ANO5: variants seen among roughly 807,000 people sequenced by gnomAD.
The protein encoded by ANO5 is anoctamin-5.
In ANO5, 109 loss-of-function variants were observed where a neutral mutation model predicts 121.0. That is an observed-to-expected ratio of 0.90 (90% CI 0.77 to 1.06). The LOEUF is 1.06. Among genes scored for constraint, ANO5 ranks in the 50% least tolerant of loss-of-function variants. The pLI is 0.00. For synonymous variants in ANO5, 406 were observed against 359.9 expected (o/e 1.13, Z -1.45); for missense variants, 1,064 against 1,078.5 (o/e 0.99, Z 0.19).
At position 22,259,627 on chromosome 11, in the gene ANO5, A is replaced by G. The variant is rs141799673; in HGVS notation, c.1516A>G (p.Ser506Gly). 181 of 1,613,972 alleles carry G rather than the reference A, an allele frequency of 1.1e-4. No individual in the cohort carries two copies. The highest frequency in any genetic ancestry group is 1.6e-4 in the Middle Eastern group (1 of 6,084). ...ESDASLKQVKSFLTPQITTSL... is the reference protein window; with the variant it reads ...ESDASLKQVKGFLTPQITTSL... ...TGATGCATCCTTAAAGCAGGTCAAA[A>G]GCTTCCTTACTCCTCAGATAACCAC... Residue 506 changes from serine to glycine, a missense_variant, in exon 15 of 22, where the codon AGC becomes GGC. Physicochemically the swap from Ser to Gly is moderately conservative, Grantham distance 56. Coordinates refer to ENST00000324559, the MANE Select transcript of ANO5 (RefSeq NM_213599.3).
At chr11:22,252,328 G>T (rs1416959470) in intron 12 of ANO5, among the ~76,000 whole-genome samples, 1 of 152,086 alleles carries the variant, frequency 6.6e-6, no homozygotes, top group African/African-American at 2.4e-5. Context: ...ATGAATGATA[G>T]GTGCATGATT....
Position 22,217,581 on chromosome 11 carries a change from TTTA to T in ANO5, c.139-653_139-651del, listed in dbSNP as rs933742293. 5.7e-3 allele frequency among the ~76,000 whole-genome samples: 862 copies of T among 152,120 alleles called. 5 individuals carry two copies. The highest frequency in any genetic ancestry group is 0.02 in the African/African-American group (818 of 41,544). ...TATTTTTATTATTTTCATGTTTTCC[TTTA>T]TTATTATTATTTTTCTCTTCTCTTC... On this transcript the variant is annotated intron_variant, in intron 3 of 21. Transcript: ENST00000324559.
chr11:22,267,127 A>C (rs1430670495), intron 17 of ANO5, among the ~76,000 whole-genome samples: 1 of 152,172 alleles, frequency 6.6e-6, no homozygotes, highest in Non-Finnish European at 1.5e-5. Context: ...GCAAAAAGTA[A>C]GGTCCTAGGC....
intron 4 of ANO5, among the ~76,000 whole-genome samples, chr11:22,219,255 C>G (rs1590233788): frequency 2.0e-5 from 3 of 152,108 alleles, no homozygotes; most frequent in Non-Finnish European, 1.5e-5. Flanking sequence ...CTTTGGCTTT[C>G]AGAAGGACAG....
In ANO5 at chr11:22,269,184, AAAAGG is replaced by A. The variant is rs200233999; in HGVS notation, c.1899-1127_1899-1123del. On this transcript the variant is annotated intron_variant, in intron 17 of 21. Transcript: ENST00000324559. The stretch of plus-strand genomic sequence containing the variant: ...GAAGGGATGGGAAGGGAAGAGAAGG[AAAAGG>A]GAAGGGAAGGGAAGAGAAGGGAAGA... Among the ~76,000 whole-genome samples the A allele has an allele frequency of 5.5e-3, 793 of 144,286 alleles. 26 individuals carry two copies. The highest frequency in any genetic ancestry group is 0.02 in the African/African-American group (745 of 36,908). The allele number at this position is 144,286 out of a possible 152,430, so 94.7% of individuals were successfully genotyped here. A position where few individuals can be genotyped will look rare whatever the true frequency, so the allele number is the denominator to read the frequency against.
At chr11:22,259,821 AG>A in intron 15 of ANO5, 80 bp downstream of exon 15, 1 of 1,370,692 alleles carries the variant, frequency 7.3e-7, no homozygotes, top group Non-Finnish European at 1.0e-6. Context: ...TCAGGTCTCC[AG>A]GAGTTCATTT....
intron 3 of ANO5, among the ~76,000 whole-genome samples, chr11:22,216,110 A>C (rs144979303): frequency 3.5e-3 from 530 of 152,020 alleles, no homozygotes; most frequent in Non-Finnish European, 6.0e-3. Flanking sequence ...GATAGTTTTC[A>C]GTTTCAAGAC....
In ANO5 at chr11:22,197,582, G is replaced by A. The variant is rs144145479; in HGVS notation, c.40+4050G>A. ...AGCATTGTGTCCAACTAAGCCATCC[G>A]TCTTTAGTAATGTTAATATTTGATT... On this transcript the variant is annotated intron_variant, in intron 1 of 21. Coordinates refer to ENST00000324559, the MANE Select transcript of ANO5 (RefSeq NM_213599.3). Among the ~76,000 whole-genome samples, 718 of 152,220 alleles carry A rather than the reference G, an allele frequency of 4.7e-3. 8 individuals carry two copies. Among genetic ancestry groups the A allele is most frequent in the African/African-American group, 0.017 (688 of 41,530 alleles).
rs1333694190 is a variant in ANO5 at position 22,275,967 on chromosome 11, C to A, written c.2415-127C>A. The A allele has an allele frequency of 1.7e-5, 12 of 687,338 alleles. No individual in the cohort carries two copies. In the African/African-American group the frequency reaches 2.2e-4, roughly 12 times the overall value. 42.6% of individuals were successfully genotyped at this position (687,338 alleles called of 1,614,324 possible). ...ATAAATGTTTCATAATATCAGTTAA[C>A]TTTGACCTGATTTTTCTGATCAACT... On this transcript the variant is annotated intron_variant, in intron 20 of 21. Transcript: ENST00000324559.
chr11:22,213,110 A>G (rs1462959603), intron 3 of ANO5, among the ~76,000 whole-genome samples: 1 of 151,552 alleles, frequency 6.6e-6, no homozygotes, highest in Middle Eastern at 3.2e-3. Flanking sequence ...TAAAATCTAA[A>G]CAGAGTTTCT....
At chr11:22,235,324 TA>T (rs929796332) in intron 7 of ANO5, among the ~76,000 whole-genome samples, 4 of 152,108 alleles carry the variant, frequency 2.6e-5, no homozygotes, top group Middle Eastern at 3.2e-3. Flanking sequence ...AGGTCATATT[TA>T]TGACATCATT....
Position 22,262,948 on chromosome 11 carries a change from T to A in ANO5, c.1803T>A (p.Cys601Ter), listed in dbSNP as rs771155107. 1 of 1,611,510 alleles carries A rather than the reference T, an allele frequency of 6.2e-7. No homozygotes were observed. Among genetic ancestry groups the A allele is most frequent in the Non-Finnish European group, 8.5e-7 (1 of 1,177,798 alleles). The stretch of plus-strand genomic sequence containing the variant: ...TCTCCCCTCTTGCTTCTGACTAGTG[T>A]GATCCTGGAGGCTGTCTTATAGAAT... ...YLFNEWRSEE[C>*]DPGGCLIELT... The change falls in exon 17 of 22, where the codon TGT (cysteine) becomes TGA (stop). Residue 601 changes from cysteine (C) to a stop codon, truncating the protein, a stop_gained and splice_region_variant. Coordinates refer to ENST00000324559, the MANE Select transcript of ANO5 (RefSeq NM_213599.3). LOFTEE classifies it high-confidence loss of function.
chr11:22,192,688 C>G (rs1033449943), upstream of ANO5, among the ~76,000 whole-genome samples: 1 of 152,192 alleles, frequency 6.6e-6, no homozygotes, highest in Non-Finnish European at 1.5e-5. Flanking sequence ...AGCATCGGGA[C>G]CCCCTTTGGG....
At chr11:22,208,772 T>C (rs1301947190) in intron 2 of ANO5, among the ~76,000 whole-genome samples, 1 of 151,958 alleles carries the variant, frequency 6.6e-6, no homozygotes, top group Non-Finnish European at 1.5e-5. Context: ...GTGTGTATTA[T>C]TTTGGCAAAT....
At chr11:22,211,224 C>T (rs749039505) in intron 2 of ANO5, 40 bp from the exon 3 acceptor site, 25 of 1,602,494 alleles carry the variant, frequency 1.6e-5, no homozygotes, top group Non-Finnish European at 2.1e-5. Flanking sequence ...TCCACCTGCA[C>T]TATTAATAAT....
At chr11:22,267,802 G>T (rs58271154) in intron 17 of ANO5, among the ~76,000 whole-genome samples, 22,146 of 151,968 alleles carry the variant, frequency 0.15, 4,698 homozygotes, top group African/African-American at 0.46. Context: ...AGTGTCTGCT[G>T]TTCCCCTCTA....
intron 9 of ANO5, among the ~76,000 whole-genome samples, chr11:22,240,629 C>T (rs924490831): frequency 2.0e-5 from 3 of 152,006 alleles, no homozygotes; most frequent in Non-Finnish European, 2.9e-5. Context: ...GAATAATAAT[C>T]ATTTAATACT....
At chr11:22,219,203 G>A (rs1590233739) in intron 4 of ANO5, among the ~76,000 whole-genome samples, 1 of 152,010 alleles carries the variant, frequency 6.6e-6, no homozygotes, top group Non-Finnish European at 1.5e-5. Context: ...TGTATCATCA[G>A]GGTGTGATAT....
chr11:22,278,589 A>G (rs1312121245), intron 21 of ANO5, among the ~76,000 whole-genome samples: 4 of 133,334 alleles, frequency 3.0e-5, no homozygotes, highest in Non-Finnish European at 4.7e-5. Flanking sequence ...GGTTCTGCTC[A>G]TGTTTAAGAG....
Sources: gnomAD v4.1 joint callset for allele counts (sites outside exome capture counted in the v4.1 genomes callset) on GRCh38, gnomAD v4.1.1 for gene constraint, MANE v1.5 for transcripts, NCBI Gene and HGNC (gene_info 2026-07-23, HGNC 2026-07-21) for gene names.